TBC1D30: variants seen among roughly 807,000 people sequenced by gnomAD.
TBC1D30 encodes TBC1 domain family member 30.
A neutral mutation model predicts 63.2 loss-of-function variants in TBC1D30; 31 were observed. The ratio of observed to expected loss-of-function variants is 0.49; its 90% CI spans 0.37 to 0.66. The LOEUF is 0.66. Among genes scored for constraint, TBC1D30 ranks in the 30% least tolerant of loss-of-function variants. The probability of loss-of-function intolerance (pLI) is 0.00; values close to 1 mark genes in which losing one functional copy is unlikely to be tolerated. For synonymous variants in TBC1D30, 307 were observed against 361.5 expected (o/e 0.85, Z 1.71); for missense variants, 810 against 953.6 (o/e 0.85, Z 1.98).
chr12:64,763,962 C>CT (rs1312181476), intron 1 of TBC1D30, among the ~76,000 whole-genome samples: 9 of 152,148 alleles, frequency 5.9e-5, no homozygotes, highest in Non-Finnish European at 1.0e-4. Flanking sequence ...GCATGCAGCC[C>CT]TTTTTCCTAA....
intron 7 of TBC1D30, among the ~76,000 whole-genome samples, chr12:64,839,058 T>C (rs1418522666): frequency 6.6e-6 from 1 of 152,222 alleles, no homozygotes; most frequent in Non-Finnish European, 1.5e-5. Flanking sequence ...GGCCTGTAGA[T>C]TCTCCCACTC....
chr12:64,822,610 C>T (rs763378746), upstream of TBC1D30, among the ~76,000 whole-genome samples: 3 of 152,002 alleles, frequency 2.0e-5, no homozygotes, highest in Non-Finnish European at 4.4e-5. Context: ...GTGATCCTCC[C>T]ACCTCAGCCT....
chr12:64,827,908 T>G lies in TBC1D30; in HGVS notation c.216+12T>G. On this transcript the variant is annotated intron_variant, in intron 2 of 11. Coordinates refer to ENST00000539867, the MANE Select transcript of TBC1D30 (RefSeq NM_015279.2). The stretch of plus-strand genomic sequence containing the variant: ...ATGGTTTTCAGCAGGTAACTTTGAT[T>G]TTGAAAACACTCTTCTTTTGGGGTT... 1 of 1,529,312 alleles carries G rather than the reference T, an allele frequency of 6.5e-7. No homozygotes were observed. Among genetic ancestry groups the G allele is most frequent in the Non-Finnish European group, 8.8e-7 (1 of 1,141,918 alleles). 94.7% of individuals were successfully genotyped at this position (1,529,312 alleles called of 1,614,324 possible).
At position 64,873,159 on chromosome 12, in the gene TBC1D30, G is replaced by A. The variant is rs2136483321; in HGVS notation, c.1499-1842G>A. Reference sequence around the variant, plus strand: ...AGACTTAGTGGAAGGTGGTGAGTATGGTGGTTGAGGTATCAGCTTCCGAAG... The same window carrying A: ...AGACTTAGTGGAAGGTGGTGAGTATAGTGGTTGAGGTATCAGCTTCCGAAG... On this transcript the variant is annotated intron_variant, in intron 11 of 11. Coordinates refer to ENST00000539867, the MANE Select transcript of TBC1D30 (RefSeq NM_015279.2). 1.3e-5 allele frequency among the ~76,000 whole-genome samples: 2 copies of A among 152,280 alleles called. 1 individual carries two copies. Among genetic ancestry groups the A allele is most frequent in the South Asian group, 4.1e-4 (2 of 4,820 alleles).
intron 4 of TBC1D30, 131 bp from the exon 5 acceptor site, chr12:64,831,987 TA>T: frequency 2.4e-6 from 2 of 825,686 alleles, no homozygotes; most frequent in Non-Finnish European, 3.5e-6. Context: ...CTCATATGTA[TA>T]AAAACATACA....
intron 8 of TBC1D30, among the ~76,000 whole-genome samples, chr12:64,850,256 C>T (rs918649128): frequency 1.3e-5 from 2 of 152,170 alleles, no homozygotes; most frequent in Admixed American, 6.5e-5. Context: ...TATTTGAATA[C>T]TGTTTATTTC....
At chr12:64,802,656 C>A (rs1180331005) in intron 2 of TBC1D30, among the ~76,000 whole-genome samples, 2 of 152,080 alleles carry the variant, frequency 1.3e-5, no homozygotes, top group Non-Finnish European at 2.9e-5. Context: ...CGTCCCCCAC[C>A]GCATGACAGG....
At chr12:64,842,749 C>T (rs1474374148) in intron 7 of TBC1D30, among the ~76,000 whole-genome samples, 1 of 151,984 alleles carries the variant, frequency 6.6e-6, no homozygotes, top group Non-Finnish European at 1.5e-5. Flanking sequence ...TTTTTTAGTA[C>T]CCAATTTCAT....
chr12:64,772,260 G>T (rs1458535213), intron 1 of TBC1D30, among the ~76,000 whole-genome samples: 1 of 147,976 alleles, frequency 6.8e-6, no homozygotes, highest in Non-Finnish European at 1.5e-5. Context: ...AAAAAAAAAG[G>T]AATAGGCACA....
At chr12:64,863,557 A>C (rs1877970069) in intron 8 of TBC1D30, among the ~76,000 whole-genome samples, 2 of 152,252 alleles carry the variant, frequency 1.3e-5, no homozygotes, top group African/African-American at 4.8e-5. Flanking sequence ...ATTGAAGAGA[A>C]GGAATTTTAG....
intron 2 of TBC1D30, among the ~76,000 whole-genome samples, chr12:64,802,532 T>C (rs1040546741): frequency 6.6e-5 from 10 of 152,136 alleles, no homozygotes; most frequent in African/African-American, 2.4e-4. Flanking sequence ...AGTTCTAGGG[T>C]ACATGTGCAC....
At chr12:64,859,464 G>A (rs144494057) in intron 8 of TBC1D30, among the ~76,000 whole-genome samples, 2,155 of 152,246 alleles carry the variant, frequency 0.014, 43 homozygotes, top group African/African-American at 0.049. Flanking sequence ...TCAACTCCAC[G>A]GGCAGCTCTG....
At chr12:64,778,328 C>T (rs1287843248), upstream of TBC1D30, among the ~76,000 whole-genome samples, 2 of 151,878 alleles carry the variant, frequency 1.3e-5, no homozygotes, top group Non-Finnish European at 2.9e-5. Context: ...AAGTGATGGG[C>T]ATATATCAAT....
At chr12:64,838,408 A>G (rs1444238064) in intron 6 of TBC1D30, among the ~76,000 whole-genome samples, 1 of 152,206 alleles carries the variant, frequency 6.6e-6, no homozygotes, top group Non-Finnish European at 1.5e-5. Context: ...CTTTCTCCTT[A>G]ATTTTCAGCT....
intron 8 of TBC1D30, among the ~76,000 whole-genome samples, chr12:64,850,684 T>C (rs983082878): frequency 2.0e-5 from 3 of 152,218 alleles, no homozygotes; most frequent in African/African-American, 7.2e-5. Context: ...GCCAGTATTT[T>C]ATTGAGGATT....
chr12:64,794,557 G>C (rs1251821752), intron 2 of TBC1D30, among the ~76,000 whole-genome samples: 1 of 151,970 alleles, frequency 6.6e-6, no homozygotes, highest in African/African-American at 2.4e-5. Flanking sequence ...TCCCATGTCA[G>C]CTTCCTGAGT....
rs186672666 is a variant in TBC1D30 at position 64,800,167 on chromosome 12, G to A, written c.643+14122G>A. 4.1e-3 allele frequency among the ~76,000 whole-genome samples: 618 copies of A among 152,252 alleles called. 3 individuals are homozygous for A. Among genetic ancestry groups the A allele is most frequent in the African/African-American group, 0.014 (586 of 41,542 alleles). On this transcript the variant is annotated intron_variant, in intron 2 of 12. Coordinates refer to the TBC1D30 transcript ENST00000542120. ...GTGCCCTGTGGACAGGGGTAGGAGG[G>A]GTGGCAGACATTCCATGCAGAGATA...
rs1848062214 is a variant in TBC1D30, at chr12:64,828,566, G to C, written c.282+57G>C. On this transcript the variant is annotated intron_variant, in intron 3 of 11. Coordinates refer to ENST00000539867, the MANE Select transcript of TBC1D30 (RefSeq NM_015279.2). The stretch of plus-strand genomic sequence containing the variant: ...AGGATCATCACTGCCCTTCTTTAGA[G>C]CCTCTGGAATGTCAAAAAATATATT... 7.3e-6 allele frequency: 9 copies of C among 1,240,582 alleles called. No homozygotes were observed. The East Asian group carries it at 2.3e-4, about 31-fold the overall frequency. 76.8% of individuals were successfully genotyped at this position (1,240,582 alleles called of 1,614,324 possible).
Position 64,855,068 on chromosome 12 carries a change from A to G in TBC1D30, c.1039-9600A>G, listed in dbSNP as rs1877185768. Among the ~76,000 whole-genome samples the G allele has an allele frequency of 2.6e-5, 4 of 152,010 alleles. 1 individual carries two copies. Among genetic ancestry groups the G allele is most frequent in the Admixed American group, 1.3e-4 (2 of 15,262 alleles). On this transcript the variant is annotated intron_variant, in intron 8 of 11. Transcript: ENST00000539867. The stretch of plus-strand genomic sequence containing the variant: ...TTATGCTTAAAGATATTTTAGCTGG[A>G]TATACTTACTATGCTAGGGTAGAAG...
Sources: gnomAD v4.1 joint callset for allele counts (sites outside exome capture counted in the v4.1 genomes callset) on GRCh38, gnomAD v4.1.1 for gene constraint, MANE v1.5 for transcripts, NCBI Gene and HGNC (gene_info 2026-07-23, HGNC 2026-07-21) for gene names.